Variants in AK2 observed in about 807,000 individuals in gnomAD.
AK2 encodes the protein adenylate kinase 2, mitochondrial.
A neutral mutation model predicts 24.6 loss-of-function variants in AK2; 15 were observed. The observed-to-expected ratio is 0.61, with a 90% CI of 0.41 to 0.94. The LOEUF (loss-of-function observed/expected upper bound fraction) is 0.94. AK2 is among the 40% of genes least tolerant of loss of function. AK2 has a pLI of 0.00. For missense variants in AK2, 257 were observed against 304.1 expected, an observed-to-expected ratio of 0.85 and a Z score of 1.15; for synonymous variants, 102 against 114.0, an observed-to-expected ratio of 0.90 and a Z score of 0.67.
intron 2 of AK2, among the ~76,000 whole-genome samples, chr1:33,023,579 AAAAG>A (rs1639684034): frequency 6.6e-6 from 1 of 151,926 alleles, no homozygotes; most frequent in South Asian, 2.1e-4. Context: ...AGAACAAAAA[AAAAG>A]AGAGAAAATG....
intron 1 of AK2, chr1:33,031,524 C>T (rs577784575): frequency 1.8e-5 from 8 of 454,024 alleles, no homozygotes; most frequent in East Asian, 7.0e-5. Flanking sequence ...GACATGCACA[C>T]GGTAGGAGAA....
chr1:33,020,163 T>C, intron 4 of AK2: 1 of 1,526,336 alleles, frequency 6.6e-7, no homozygotes, highest in Non-Finnish European at 8.8e-7. Context: ...TGTTCAATGC[T>C]ATTACAGAGA....
chr1:33,009,357 AAG>A lies in AK2; in HGVS notation c.*3822_*3823del. ...AACTAGGACACACAGAGAAGCAACA[AAG>A]AGTGTTAAAGAAGCAACTGAAAAGG... On this transcript the variant is annotated 3_prime_UTR_variant, in exon 6 of 6. Transcript: ENST00000672715. The A allele has an allele frequency of 2.2e-6, 1 of 454,140 alleles. No individual in the cohort carries two copies. Among genetic ancestry groups the A allele is most frequent in the East Asian group, 6.9e-5 (1 of 14,404 alleles). The allele number at this position is 454,140 out of a possible 1,614,324, so 28.1% of individuals were successfully genotyped here.
At position 33,008,306 on chromosome 1, in the gene AK2, C is replaced by T; in HGVS notation, c.*4875G>A. On this transcript the variant is annotated 3_prime_UTR_variant, in exon 6 of 6. Coordinates refer to ENST00000672715, the MANE Select transcript of AK2 (RefSeq NM_001625.4). ...TGTCCAAGGTCGCATGGTGAAGTCG[C>T]TGTTGAAATCTGTCTTCTGACTCGT... The T allele has an allele frequency of 2.2e-6, 1 of 454,048 alleles. No individual in the cohort carries two copies. Among genetic ancestry groups the T allele is most frequent in the Non-Finnish European group, 4.4e-6 (1 of 226,780 alleles). 28.1% of individuals were successfully genotyped at this position (454,048 alleles called of 1,614,324 possible).
Position 33,014,528 on chromosome 1 carries a change from T to G in AK2, c.492A>C (p.Lys164Asn). The G allele has an allele frequency of 6.2e-7, 1 of 1,612,478 alleles. No homozygotes were observed. The highest frequency in any genetic ancestry group is 8.5e-7 in the Non-Finnish European group (1 of 1,178,882). Residue 164 changes from lysine to asparagine, a missense_variant, in exon 5 of 6, where the codon AAA (lysine) becomes AAC (asparagine). Lys to Asn is a moderately conservative substitution (Grantham distance 94). Coordinates refer to ENST00000672715, the MANE Select transcript of AK2 (RefSeq NM_001625.4). Reference protein sequence around the residue: ...EEFNPPKEPMKDDITGEPLIR... With the variant: ...EEFNPPKEPMNDDITGEPLIR... ...TTGTCCTGAGTTTACATACGTCATC[T>G]TTCATGGGCTCTTTTGGAGGGTTGA...
At chr1:33,015,042 G>A (rs146739305) in intron 4 of AK2, among the ~76,000 whole-genome samples, 11 of 152,324 alleles carry the variant, frequency 7.2e-5, no homozygotes, top group African/African-American at 2.2e-4. Context: ...AATAACAAAC[G>A]TGATAATCCT....
chr1:33,028,523 A>G (rs1186645301), intron 1 of AK2, among the ~76,000 whole-genome samples: 2 of 151,340 alleles, frequency 1.3e-5, no homozygotes, highest in East Asian at 3.9e-4. Flanking sequence ...AAAAAAATGC[A>G]GATTCTAGTT....
chr1:33,013,017 AGAT>A lies in AK2; in HGVS notation c.*161_*163del. 1 of 1,596,160 alleles carries A rather than the reference AGAT, an allele frequency of 6.3e-7. No homozygotes were observed. Among genetic ancestry groups the A allele is most frequent in the Middle Eastern group, 1.7e-4 (1 of 6,044 alleles). ...ACACACACACAACACACATACACAC[AGAT>A]GAGAGTAGCACACACGCCAAAGATA... On this transcript the variant is annotated 3_prime_UTR_variant, in exon 6 of 6. Transcript: ENST00000672715.
At chr1:33,027,219 A>G (rs987460265) in intron 1 of AK2, among the ~76,000 whole-genome samples, 7 of 152,240 alleles carry the variant, frequency 4.6e-5, no homozygotes, top group African/African-American at 1.7e-4. Context: ...CCGTACATCT[A>G]GAGAGTGCTT....
At chr1:33,017,753 T>A (rs868416252) in intron 4 of AK2, among the ~76,000 whole-genome samples, 2 of 152,034 alleles carry the variant, frequency 1.3e-5, no homozygotes, top group Non-Finnish European at 1.5e-5. Context: ...GTGAGTGTGA[T>A]ACTTTATTTT....
chr1:33,023,184 T>C (rs1214564369), intron 2 of AK2, among the ~76,000 whole-genome samples: 3 of 152,114 alleles, frequency 2.0e-5, no homozygotes, highest in Non-Finnish European at 4.4e-5. Flanking sequence ...CCAGAATAAC[T>C]CAGTTATAAT....
At position 33,019,052 on chromosome 1, in the gene AK2, A is replaced by T. The variant is rs930313616; in HGVS notation, c.425+2315T>A. On this transcript the variant is annotated intron_variant, in intron 4 of 5. Transcript: ENST00000672715. ...GACACGTCTGCTACTAGCCTCAGCG[A>T]AAGTCCAACCCATAATCATTCCGGC... 2.0e-5 allele frequency among the ~76,000 whole-genome samples: 3 copies of T among 152,172 alleles called. No individual in the cohort carries two copies. In the East Asian group the frequency reaches 5.8e-4, roughly 29 times the overall value.
In AK2 at chr1:33,031,197, A is replaced by T. The variant is rs143770536; in HGVS notation, c.93+5539T>A. The stretch of plus-strand genomic sequence containing the variant: ...CAAAGTCACTCATCTGATGCTTCCC[A>T]CCTGGCACCCTGCACTTGTATGTAT... On this transcript the variant is annotated intron_variant, in intron 1 of 5. Transcript: ENST00000672715. The T allele has an allele frequency of 1.5e-3, 242 of 156,972 alleles. 1 individual carries two copies. Among genetic ancestry groups the T allele is most frequent in the Non-Finnish European group, 2.7e-3 (188 of 70,404 alleles). 9.7% of individuals were successfully genotyped at this position (156,972 alleles called of 1,614,324 possible).
In AK2 at chr1:33,008,311, G is replaced by A. The variant is rs932310550; in HGVS notation, c.*4870C>T. 6.6e-6 allele frequency: 3 copies of A among 453,928 alleles called. No homozygotes were observed. Among genetic ancestry groups the A allele is most frequent in the African/African-American group, 4.0e-5 (2 of 49,996 alleles). The allele number at this position is 453,928 out of a possible 1,614,324, so 28.1% of individuals were successfully genotyped here. ...AAGGTCGCATGGTGAAGTCGCTGTT[G>A]AAATCTGTCTTCTGACTCGTTGCTC... On this transcript the variant is annotated 3_prime_UTR_variant, in exon 6 of 6. Coordinates refer to ENST00000672715, the MANE Select transcript of AK2 (RefSeq NM_001625.4).
At chr1:33,027,360 A>G (rs144411231) in intron 1 of AK2, among the ~76,000 whole-genome samples, 1 of 152,322 alleles carries the variant, frequency 6.6e-6, no homozygotes, top group African/African-American at 2.4e-5. Flanking sequence ...TTCTATTTTT[A>G]TCACTCCCAA....
At position 33,034,449 on chromosome 1, in the gene AK2, TACACAC is replaced by T. The variant is rs71833811; in HGVS notation, c.93+2281_93+2286del. Among the ~76,000 whole-genome samples, 871 of 141,960 alleles carry T rather than the reference TACACAC, an allele frequency of 6.1e-3. 5 individuals carry two copies. Among genetic ancestry groups the T allele is most frequent in the Admixed American group, 0.015 (216 of 14,108 alleles). 93.1% of individuals were successfully genotyped at this position (141,960 alleles called of 152,430 possible). A position where few individuals can be genotyped will look rare whatever the true frequency, so the allele number is the denominator to read the frequency against. ...TGTCATCTAGGTTGTGGGTGCTTGATACACACACACACACACACACACACACACACA... is the reference window on the plus strand; with the variant it reads ...TGTCATCTAGGTTGTGGGTGCTTGATACACACACACACACACACACACACA... On this transcript the variant is annotated intron_variant, in intron 1 of 5. Transcript: ENST00000672715.
rs12116440 is a variant in AK2, at chr1:33,013,276, C to A, written c.625G>T (p.Ala209Ser). 1 of 1,614,094 alleles carries A rather than the reference C, an allele frequency of 6.2e-7. No homozygotes were observed. Among genetic ancestry groups the A allele is most frequent in the Admixed American group, 1.7e-5 (1 of 60,016 alleles). ...TCGGGGGTCTGGGATGCATCGATGG[C>A]GGAGTGGATCCCCCGTTTCCTGTAG... ...EYYRKRGIHSAIDASQTPDVV... is the reference protein window; with the variant it reads ...EYYRKRGIHSSIDASQTPDVV... The change falls in exon 6 of 6, where the codon GCC (alanine) becomes TCC (serine). Residue 209 changes from alanine (A) to serine (S), a missense_variant. By Grantham distance (99) the Ala-to-Ser change is moderately conservative (BLOSUM62 1). Transcript: ENST00000672715.
At chr1:33,035,406 G>A (rs564628386) in intron 1 of AK2, among the ~76,000 whole-genome samples, 1 of 152,328 alleles carries the variant, frequency 6.6e-6, no homozygotes, top group South Asian at 2.1e-4. Flanking sequence ...GGTGCCACAA[G>A]GGGTACCAAG....
At position 33,013,049 on chromosome 1, in the gene AK2, C is replaced by G. The variant is rs767186739; in HGVS notation, c.*132G>C. Reference sequence around the variant, plus strand: ...AGTAGCACACACGCCAAAGATACATCAAGCAAGTGCTTTTTTAATCAATAC... The same window carrying G: ...AGTAGCACACACGCCAAAGATACATGAAGCAAGTGCTTTTTTAATCAATAC... On this transcript the variant is annotated 3_prime_UTR_variant, in exon 6 of 6. Coordinates refer to ENST00000672715, the MANE Select transcript of AK2 (RefSeq NM_001625.4). The G allele has an allele frequency of 3.1e-6, 5 of 1,601,144 alleles. No individual in the cohort carries two copies. Among genetic ancestry groups the G allele is most frequent in the Non-Finnish European group, 4.2e-6 (5 of 1,179,278 alleles).
Sources: gnomAD v4.1 joint callset for allele counts (sites outside exome capture counted in the v4.1 genomes callset) on GRCh38, gnomAD v4.1.1 for gene constraint, MANE v1.5 for transcripts, NCBI Gene and HGNC (gene_info 2026-07-23, HGNC 2026-07-21) for gene names.